Variants in ELP6 observed in about 807,000 individuals in gnomAD.
ELP6 encodes the protein elongator acetyltransferase complex subunit 6, also known as elongator complex protein 6.
Under a neutral mutation model 28.1 loss-of-function variants are expected in ELP6, and 23 were observed. The observed-to-expected ratio is 0.82, with a 90% confidence interval of 0.59 to 1.16. ELP6 has a LOEUF of 1.16. Among genes scored for constraint, ELP6 ranks in the 50% most tolerant of loss-of-function variants. The pLI is 0.00. For missense variants in ELP6, 313 were observed against 334.6 expected (o/e 0.94, Z 0.50); for synonymous variants, 132 against 135.8 (o/e 0.97, Z 0.19).
intron 3 of ELP6, among the ~76,000 whole-genome samples, chr3:47,508,414 G>C (rs1193863385): frequency 6.6e-6 from 1 of 151,788 alleles, no homozygotes; most frequent in Non-Finnish European, 1.5e-5. Context: ...TGGATCCTCT[G>C]AGAAATAAAT....
intron 3 of ELP6, among the ~76,000 whole-genome samples, chr3:47,506,635 A>C (rs371212464): frequency 1.3e-5 from 2 of 152,336 alleles, no homozygotes; most frequent in African/African-American, 2.4e-5. Context: ...GTTTAAGGTT[A>C]TCTCTCTTGT....
At chr3:47,498,970 C>T (rs1403870351) in intron 5 of ELP6, among the ~76,000 whole-genome samples, 1 of 152,218 alleles carries the variant, frequency 6.6e-6, no homozygotes, top group Non-Finnish European at 1.5e-5. Context: ...TGAGCTGAAT[C>T]TCAGAGGGCA....
intron 3 of ELP6, 124 bp from the exon 4 acceptor site, chr3:47,504,572 G>T: frequency 7.5e-7 from 1 of 1,341,306 alleles, no homozygotes; most frequent in Non-Finnish European, 9.6e-7. Context: ...ATCACCCAAT[G>T]TACAGGCCTG....
chr3:47,501,898 T>C (rs1465819321), intron 4 of ELP6, 47 bp from the exon 5 acceptor site: 2 of 1,565,896 alleles, frequency 1.3e-6, no homozygotes, highest in East Asian at 2.3e-5. Context: ...TCTCTACAGA[T>C]GTTTATCAAG....
chr3:47,513,479 T>G, intron 1 of ELP6, 58 bp downstream of exon 1: 3 of 1,585,738 alleles, frequency 1.9e-6, no homozygotes, highest in Non-Finnish European at 2.6e-6. Context: ...GCCTCCCGGA[T>G]GCAGTATTCC....
chr3:47,499,896 A>C, intron 5 of ELP6: 1 of 1,300,058 alleles, frequency 7.7e-7, no homozygotes, highest in Non-Finnish European at 1.0e-6. Context: ...GAGGCGAAGC[A>C]TATGGAGGTG....
chr3:47,502,905 C>A lies in ELP6; in HGVS notation c.324-1054G>T, dbSNP rs1490555445. On this transcript the variant is annotated intron_variant, in intron 4 of 6. Coordinates refer to ENST00000296149, the MANE Select transcript of ELP6 (RefSeq NM_001031703.3). ...TTGCCCTGATGGTGAGTGGCAGTGG[C>A]CTAAGGCTTCTGTATACGTAACAGA... 2.0e-5 allele frequency among the ~76,000 whole-genome samples: 3 copies of A among 152,120 alleles called. No homozygotes were observed. In the East Asian group the frequency reaches 5.8e-4, roughly 29 times the overall value.
intron 4 of ELP6, chr3:47,503,170 C>A: frequency 8.7e-7 from 1 of 1,148,694 alleles, no homozygotes; most frequent in South Asian, 1.8e-5. Flanking sequence ...TGAGGAAACC[C>A]CAAGTCAGAG....
chr3:47,511,571 T>C (rs1709018656), intron 1 of ELP6: 3 of 833,944 alleles, frequency 3.6e-6, no homozygotes, highest in Non-Finnish European at 4.3e-6. Flanking sequence ...AGGATGCTTT[T>C]ACCATCAGAC....
chr3:47,513,687 G>C lies in ELP6; in HGVS notation c.-97C>G, dbSNP rs1402919373. 8.7e-6 allele frequency: 13 copies of C among 1,500,512 alleles called. No individual in the cohort carries two copies. In the South Asian group the frequency reaches 1.2e-4, roughly 14 times the overall value. The allele number at this position is 1,500,512 out of a possible 1,614,324, so 92.9% of individuals were successfully genotyped here. On this transcript the variant is annotated 5_prime_UTR_variant, in exon 1 of 7. Transcript: ENST00000296149. ...AAACACACCCGACAGCCCGGCTCGC[G>C]CAAGGAAGCGCGCATGCGCAATGCC...
At chr3:47,500,001 G>T in intron 5 of ELP6, 1 of 1,316,340 alleles carries the variant, frequency 7.6e-7, no homozygotes, top group South Asian at 1.2e-5. Flanking sequence ...ACACACTGGC[G>T]GGTAAATATG....
At chr3:47,509,927 A>T (rs997404292) in intron 3 of ELP6, 18 of 298,104 alleles carry the variant, frequency 6.0e-5, no homozygotes, top group African/African-American at 3.9e-4. Flanking sequence ...ACGCCCAGCT[A>T]ATTTTTGTAT....
chr3:47,512,756 G>C, intron 1 of ELP6: 1 of 957,454 alleles, frequency 1.0e-6, no homozygotes, highest in Non-Finnish European at 1.2e-6. Flanking sequence ...CAAGGAGGAA[G>C]AGTAAGAAGA....
chr3:47,505,334 T>C (rs1708797556), intron 3 of ELP6, among the ~76,000 whole-genome samples: 1 of 152,022 alleles, frequency 6.6e-6, no homozygotes, highest in South Asian at 2.1e-4. Context: ...AAATTTAGTA[T>C]GCCTATCCCT....
intron 6 of ELP6, chr3:47,497,907 G>C (rs1358284974): frequency 2.0e-6 from 2 of 976,336 alleles, no homozygotes; most frequent in Non-Finnish European, 2.4e-6. Context: ...CTCTAGCCTA[G>C]GTGACAGAGC....
chr3:47,496,046 G>T lies in ELP6; in HGVS notation c.*23C>A. The T allele has an allele frequency of 6.2e-7, 1 of 1,613,962 alleles. No homozygotes were observed. The highest frequency in any genetic ancestry group is 2.2e-5 in the East Asian group (1 of 44,878). ...CCACGTCCAAAAACAGTCCTATGTA[G>T]CTTCAGCTGCTCCGAAATCAGGTCA... On this transcript the variant is annotated 3_prime_UTR_variant, in exon 7 of 7. Coordinates refer to ENST00000296149, the MANE Select transcript of ELP6 (RefSeq NM_001031703.3).
intron 4 of ELP6, chr3:47,503,273 A>G: frequency 4.7e-6 from 6 of 1,272,740 alleles, no homozygotes; most frequent in Non-Finnish European, 6.1e-6. Flanking sequence ...GAGATAAGGC[A>G]GTGGGGGAAG....
At chr3:47,499,994 C>T in intron 5 of ELP6, 1 of 1,325,790 alleles carries the variant, frequency 7.5e-7, no homozygotes, top group South Asian at 1.2e-5. Flanking sequence ...GCTTCAGACA[C>T]ACTGGCGGGT....
intron 3 of ELP6, among the ~76,000 whole-genome samples, chr3:47,504,895 G>A (rs1708781072): frequency 6.6e-6 from 1 of 152,158 alleles, no homozygotes; most frequent in Non-Finnish European, 1.5e-5. Context: ...AGGAGGTCAA[G>A]GCTGCAGTGA....
Sources: allele counts gnomAD v4.1 joint callset (sites outside exome capture counted in the v4.1 genomes callset), GRCh38; gene constraint gnomAD v4.1.1; transcripts MANE v1.5; gene names NCBI Gene and HGNC (gene_info 2026-07-23, HGNC 2026-07-21).